Variants in KTN1 observed in about 807,000 individuals in gnomAD.
KTN1 encodes the protein kinectin 1, also known as kinectin.
A neutral mutation model predicts 222.5 loss-of-function variants in KTN1; 130 were observed. The ratio of observed to expected loss-of-function variants is 0.58; its 90% CI spans 0.51 to 0.68. KTN1 has a LOEUF of 0.68. KTN1 is among the 30% of genes least tolerant of loss of function. KTN1 has a pLI of 0.00. For synonymous variants in KTN1, 512 were observed against 496.3 expected (o/e 1.03, Z -0.42); for missense variants, 1,508 against 1,500.4 (o/e 1.01, Z -0.08).
chr14:55,616,864 TTATA>T (rs1355817018), intron 3 of KTN1, among the ~76,000 whole-genome samples: 3 of 152,210 alleles, frequency 2.0e-5, no homozygotes, highest in African/African-American at 7.2e-5. Flanking sequence ...ATGAAAAAGT[TTATA>T]TACCATTTAC....
At chr14:55,663,732 C>T in intron 32 of KTN1, 1 of 425,918 alleles carries the variant, frequency 2.3e-6, no homozygotes, top group South Asian at 3.7e-5. Context: ...TAAAAGCTGG[C>T]CTATTTGATA....
chr14:55,614,558 A>G (rs1447088539), intron 2 of KTN1, among the ~76,000 whole-genome samples: 1 of 152,216 alleles, frequency 6.6e-6, no homozygotes, highest in Non-Finnish European at 1.5e-5. Flanking sequence ...CCATGAACCA[A>G]GAACACTTTT....
chr14:55,668,426 T>C (rs2045088421), intron 34 of KTN1: 1 of 152,150 alleles, frequency 6.6e-6, no homozygotes, highest in Non-Finnish European at 1.5e-5. Context: ...TGGATTTAGT[T>C]GACTGCATCC....
intron 18 of KTN1, among the ~76,000 whole-genome samples, chr14:55,643,567 TAAAAC>T (rs1161920268): frequency 6.6e-6 from 1 of 152,156 alleles, no homozygotes; most frequent in Non-Finnish European, 1.5e-5. Context: ...TTCATGGAGG[TAAAAC>T]AAATGCTTAG....
At chr14:55,628,760 A>G (rs1176698374) in intron 6 of KTN1, among the ~76,000 whole-genome samples, 1 of 152,172 alleles carries the variant, frequency 6.6e-6, no homozygotes, top group Non-Finnish European at 1.5e-5. Flanking sequence ...GATTAATTAA[A>G]GTTGTTAATA....
chr14:55,656,295 A>G (rs1344380971), intron 29 of KTN1, 163 bp downstream of exon 29: 1 of 590,856 alleles, frequency 1.7e-6, no homozygotes, highest in Non-Finnish European at 3.0e-6. Flanking sequence ...GTACCCATGC[A>G]TAAAATGTGT....
intron 41 of KTN1, among the ~76,000 whole-genome samples, chr14:55,676,573 A>G (rs933194965): frequency 8.5e-5 from 13 of 152,176 alleles, no homozygotes; most frequent in Admixed American, 4.6e-4. Flanking sequence ...TTAAATTTTG[A>G]TAGTATAAAA....
At chr14:55,640,780 A>G (rs1054100676) in intron 15 of KTN1, among the ~76,000 whole-genome samples, 153 bp from the exon 16 acceptor site, 4 of 152,054 alleles carry the variant, frequency 2.6e-5, no homozygotes, top group Non-Finnish European at 4.4e-5. Flanking sequence ...AGTAAAAAAT[A>G]TCGAACAGCA....
intron 13 of KTN1, 108 bp from the exon 14 acceptor site, chr14:55,639,805 G>C (rs1170958487): frequency 4.3e-6 from 3 of 700,784 alleles, no homozygotes; most frequent in African/African-American, 1.8e-5. Flanking sequence ...GAAATGGAAG[G>C]TATATGAGAA....
At chr14:55,580,619 C>T (rs1252429031) in intron 1 of KTN1, among the ~76,000 whole-genome samples, 4 of 151,836 alleles carry the variant, frequency 2.6e-5, no homozygotes, top group Non-Finnish European at 4.4e-5. Context: ...GACCCCGGCT[C>T]TGTCGCGGCA....
chr14:55,627,876 A>G, intron 5 of KTN1, 36 bp from the exon 6 acceptor site: 1 of 1,177,828 alleles, frequency 8.5e-7, no homozygotes, highest in Non-Finnish European at 1.3e-6. Context: ...GCCCATGGTA[A>G]CTATTACTAA....
At chr14:55,662,034 G>A (rs2044201854) in intron 32 of KTN1, among the ~76,000 whole-genome samples, 1 of 150,062 alleles carries the variant, frequency 6.7e-6, no homozygotes, top group Non-Finnish European at 1.5e-5. Flanking sequence ...TCAGTAATGG[G>A]GTCTTTTGAA....
intron 41 of KTN1, among the ~76,000 whole-genome samples, chr14:55,677,678 C>T (rs1387551844): frequency 6.6e-6 from 1 of 151,876 alleles, no homozygotes; most frequent in Non-Finnish European, 1.5e-5. Flanking sequence ...TTTTTGTCTC[C>T]TTTTTAACAT....
intron 1 of KTN1, among the ~76,000 whole-genome samples, chr14:55,587,877 G>C (rs1278230135): frequency 2.0e-5 from 3 of 152,100 alleles, no homozygotes; most frequent in Non-Finnish European, 4.4e-5. Context: ...AGTTTAAATT[G>C]AATCCTTTTG....
In KTN1 at chr14:55,650,384, T is replaced by A. The variant is rs1252210290; in HGVS notation, c.2462T>A (p.Leu821His). Residue 821 changes from leucine (L) to histidine (H), a missense_variant, in exon 23 of 44, where the codon CTT becomes CAT. By Grantham distance (99) the Leu-to-His change is moderately conservative. Transcript: ENST00000395314. ...GTAGAAGAGCTTCTGGAGGCAGAAC[T>A]TCTCAAAGTTGCTAACAAGGAGAAA... is the stretch of plus-strand genomic sequence containing the variant. ...KSVEELLEAE[L>H]LKVANKEKTV... is the part of the protein sequence containing the mutation. 1 of 1,611,402 alleles carries A rather than the reference T, an allele frequency of 6.2e-7. No individual in the cohort carries two copies. Among genetic ancestry groups the A allele is most frequent in the Non-Finnish European group, 8.5e-7 (1 of 1,178,972 alleles).
chr14:55,603,243 C>T (rs2036240574), intron 1 of KTN1, among the ~76,000 whole-genome samples: 1 of 152,024 alleles, frequency 6.6e-6, no homozygotes, highest in African/African-American at 2.4e-5. Flanking sequence ...CTCATATTCT[C>T]CTCCAAGTTC....
intron 34 of KTN1, among the ~76,000 whole-genome samples, chr14:55,669,338 A>G (rs1475976760): frequency 6.6e-6 from 1 of 152,042 alleles, no homozygotes; most frequent in Non-Finnish European, 1.5e-5. Flanking sequence ...TTTTGTTCAT[A>G]TACTTGTCAA....
intron 14 of KTN1, among the ~76,000 whole-genome samples, 181 bp downstream of exon 14, chr14:55,640,184 C>G (rs571665506): frequency 6.6e-6 from 1 of 151,992 alleles, no homozygotes; most frequent in African/African-American, 2.4e-5. Flanking sequence ...CAAAGGGCTT[C>G]TCTCATGTGA....
At position 55,678,438 on chromosome 14, in the gene KTN1, A is replaced by G. The variant is rs141243979; in HGVS notation, c.3942A>G (p.Pro1314=). The change falls in exon 42 of 44, where the codon CCA becomes CCG. Residue 1314 remains proline (P), a synonymous_variant. Transcript: ENST00000395314. ...TTVIENSDVS[P]ETESSEKETM... is the part of the protein sequence containing the mutation. ...TTATTGAAAATAGTGATGTTTCCCC[A>G]GAAACGGTATGTATTTTCTTCATCC... is the stretch of plus-strand genomic sequence containing the variant. 5.0e-6 allele frequency: 8 copies of G among 1,596,268 alleles called. No individual in the cohort carries two copies. Among genetic ancestry groups the G allele is most frequent in the Non-Finnish European group, 5.2e-6 (6 of 1,163,782 alleles).
Sources: gnomAD v4.1 joint callset for allele counts (sites outside exome capture counted in the v4.1 genomes callset) on GRCh38, gnomAD v4.1.1 for gene constraint, MANE v1.5 for transcripts, NCBI Gene and HGNC (gene_info 2026-07-23, HGNC 2026-07-21) for gene names.